SOS2: variants seen among roughly 807,000 people sequenced by gnomAD.
SOS2 encodes son of sevenless homolog 2.
In SOS2, 65 loss-of-function variants were observed where a neutral mutation model predicts 148.2. The ratio of observed to expected loss-of-function variants is 0.44; its 90% confidence interval spans 0.36 to 0.54. The LOEUF is 0.54. Ranked by LOEUF, SOS2 falls within the 20% of genes least tolerant of loss-of-function variation. SOS2 has a pLI of 0.00. For missense variants in SOS2, 1,341 were observed against 1,590.2 expected (o/e 0.84, Z 2.67); for synonymous variants, 539 against 537.1 (o/e 1.00, Z -0.05).
intron 9 of SOS2, among the ~76,000 whole-genome samples, chr14:50,161,186 G>T (rs978024995): frequency 3.3e-5 from 5 of 151,246 alleles, no homozygotes; most frequent in African/African-American, 1.2e-4. Context: ...CCAGTTACTT[G>T]GGAGGCGAAG....
intron 1 of SOS2, among the ~76,000 whole-genome samples, chr14:50,206,369 C>T (rs1241481752): frequency 6.6e-6 from 1 of 152,142 alleles, no homozygotes; most frequent in Admixed American, 6.5e-5. Context: ...CTGTGGATAC[C>T]CAAATCCATG....
intron 1 of SOS2, among the ~76,000 whole-genome samples, chr14:50,224,306 T>TAA (rs1887292043): frequency 2.1e-5 from 1 of 47,800 alleles, no homozygotes; most frequent in African/African-American, 9.0e-5. Context: ...AAAAAAAAAA[T>TAA]ATATATATAC....
chr14:50,127,010 G>C (rs534529366), intron 21 of SOS2, among the ~76,000 whole-genome samples: 1 of 152,048 alleles, frequency 6.6e-6, no homozygotes, highest in African/African-American at 2.4e-5. Context: ...TATTGTGGCA[G>C]AGCCTGCTGC....
Position 50,130,750 on chromosome 14 carries a change from T to C in SOS2, c.3088A>G (p.Thr1030Ala), listed in dbSNP as rs550680554. The change falls in exon 20 of 23, where the codon ACT becomes GCT. Residue 1030 changes from threonine to alanine, a missense_variant. Physicochemically the swap from Thr to Ala is moderately conservative, Grantham distance 58. Coordinates refer to ENST00000216373, the MANE Select transcript of SOS2 (RefSeq NM_006939.4). Reference sequence around the variant, plus strand: ...ATTCCAGGAGATTTTAAGGAAAAAGTTGATTTCCTAGGCTGAGAAAAGCAA... The same window carrying C: ...ATTCCAGGAGATTTTAAGGAAAAAGCTGATTTCCTAGGCTGAGAAAAGCAA... ...KQPPRFPRKS[T>A]FSLKSPGIRP... The C allele has an allele frequency of 1.3e-4, 201 of 1,602,914 alleles. No individual in the cohort carries two copies. In the Middle Eastern group the frequency reaches 2.3e-3, roughly 19 times the overall value.
At chr14:50,171,016 A>C (rs1394351600) in intron 8 of SOS2, among the ~76,000 whole-genome samples, 2 of 151,874 alleles carry the variant, frequency 1.3e-5, no homozygotes, top group Non-Finnish European at 1.5e-5. Context: ...CGGGAAGCTG[A>C]GGCAGGAGAA....
At chr14:50,126,153 A>G (rs1883673382) in intron 21 of SOS2, among the ~76,000 whole-genome samples, 1 of 152,204 alleles carries the variant, frequency 6.6e-6, no homozygotes, top group Admixed American at 6.5e-5. Flanking sequence ...CTCCAATATG[A>G]AAGACAAGAG....
At chr14:50,214,407 T>C (rs1353424540) in intron 1 of SOS2, among the ~76,000 whole-genome samples, 1 of 152,080 alleles carries the variant, frequency 6.6e-6, no homozygotes, top group Non-Finnish European at 1.5e-5. Flanking sequence ...TTTGGAGAAA[T>C]AAATATTTCC....
At chr14:50,193,995 T>C (rs566966265) in intron 4 of SOS2, among the ~76,000 whole-genome samples, 9 of 152,318 alleles carry the variant, frequency 5.9e-5, no homozygotes, top group African/African-American at 2.2e-4. Context: ...TCTGCCCGTC[T>C]TGGCCTCCCA....
intron 4 of SOS2, among the ~76,000 whole-genome samples, chr14:50,189,105 A>G (rs1006192475): frequency 1.4e-5 from 2 of 146,300 alleles, no homozygotes; most frequent in South Asian, 2.2e-4. Flanking sequence ...ACACACACGC[A>G]CACACAAATA....
rs146283711 is a variant in SOS2 at position 50,160,001 on chromosome 14, C to T, written c.1282G>A (p.Asp428Asn). 10 of 1,613,742 alleles carry T rather than the reference C, an allele frequency of 6.2e-6. No homozygotes were observed. Among genetic ancestry groups the T allele is most frequent in the Non-Finnish European group, 8.5e-6 (10 of 1,179,850 alleles). Reference sequence around the variant, plus strand: ...CCAATATCTTTGCCTTCCCATCCATCGATATTTTTCTGAATTTCATTCATT... The same window carrying T: ...CCAATATCTTTGCCTTCCCATCCATTGATATTTTTCTGAATTTCATTCATT... ...KKMNEIQKNI[D>N]GWEGKDIGQC... is the part of the protein sequence containing the mutation. Residue 428 changes from aspartate to asparagine, a missense_variant, in exon 10 of 23, where the codon GAT becomes AAT. Physicochemically the swap from Asp to Asn is conservative, Grantham distance 23. Around this residue, in one of 4 missense-constraint regions of SOS2, gnomAD observed 574 missense variants for 711.1 expected, o/e 0.81. Transcript: ENST00000216373.
chr14:50,160,149 A>G, intron 9 of SOS2, 63 bp from the exon 10 acceptor site: 1 of 1,272,176 alleles, frequency 7.9e-7, no homozygotes, highest in Non-Finnish European at 1.1e-6. Context: ...TCAAGCATAA[A>G]CCATCTCAAA....
chr14:50,201,225 A>C, intron 2 of SOS2, 141 bp from the exon 3 acceptor site: 1 of 815,796 alleles, frequency 1.2e-6, no homozygotes, highest in Admixed American at 2.8e-5. Context: ...GTAATAAATA[A>C]ATTTTTTGGC....
intron 8 of SOS2, among the ~76,000 whole-genome samples, chr14:50,165,166 T>C (rs1419602097): frequency 6.6e-6 from 1 of 152,208 alleles, no homozygotes; most frequent in African/African-American, 2.4e-5. Flanking sequence ...TTTTACAGAA[T>C]CACAGTATAG....
chr14:50,207,319 C>G (rs977155471), intron 1 of SOS2, among the ~76,000 whole-genome samples: 1 of 151,320 alleles, frequency 6.6e-6, no homozygotes, highest in Non-Finnish European at 1.5e-5. Context: ...TCCAGACCAG[C>G]CTGGGCAACA....
intron 7 of SOS2, among the ~76,000 whole-genome samples, chr14:50,177,668 TA>T (rs1223999295): frequency 6.6e-6 from 1 of 152,198 alleles, no homozygotes; most frequent in African/African-American, 2.4e-5. Flanking sequence ...GAGTTAACTT[TA>T]AAAATATTCC....
chr14:50,200,278 C>CG (rs893358610), intron 3 of SOS2, among the ~76,000 whole-genome samples: 25 of 150,056 alleles, frequency 1.7e-4, no homozygotes, highest in Middle Eastern at 3.4e-3. Flanking sequence ...GCAGGCGGGG[C>CG]GGGGGGGGCT....
intron 5 of SOS2, among the ~76,000 whole-genome samples, chr14:50,183,120 T>C (rs1885796449): frequency 6.6e-6 from 1 of 152,194 alleles, no homozygotes; most frequent in South Asian, 2.1e-4. Context: ...TTATTACATG[T>C]GAATGCACTC....
intron 21 of SOS2, among the ~76,000 whole-genome samples, chr14:50,121,087 T>A (rs2139475464): frequency 6.6e-6 from 1 of 152,156 alleles, no homozygotes; most frequent in East Asian, 1.9e-4. Flanking sequence ...ACCACACAGG[T>A]AATAAAACCC....
chr14:50,170,794 A>G (rs1885335946), intron 8 of SOS2, among the ~76,000 whole-genome samples: 1 of 150,754 alleles, frequency 6.6e-6, no homozygotes, highest in South Asian at 2.1e-4. Flanking sequence ...CCTCGTATCC[A>G]TTAGGATGAC....
Sources: gnomAD v4.1 joint callset for allele counts (sites outside exome capture counted in the v4.1 genomes callset) on GRCh38, gnomAD v4.1.1 for gene constraint, gnomAD v4.1.1 regional missense constraint, MANE v1.5 for transcripts, NCBI Gene and HGNC (gene_info 2026-07-23, HGNC 2026-07-21) for gene names.